The following CAMTA1 variants were observed in gnomAD, a reference collection of about 807,000 sequenced individuals.
CAMTA1 encodes the protein calmodulin binding transcription activator 1.
In CAMTA1, 27 loss-of-function variants were observed where a neutral mutation model predicts 170.9. The observed-to-expected ratio is 0.16, with a 90% CI of 0.12 to 0.22. CAMTA1 has a LOEUF of 0.22. Ranked by LOEUF, CAMTA1 falls within the 10% of genes least tolerant of loss-of-function variation. The pLI is 1.00. For synonymous variants in CAMTA1, 833 were observed against 891.5 expected (o/e 0.93, Z 1.17); for missense variants, 1,619 against 2,217.2 (o/e 0.73, Z 5.42).
chr1:7,622,093 A>G (rs1306546269), intron 6 of CAMTA1, among the ~76,000 whole-genome samples: 3 of 152,194 alleles, frequency 2.0e-5, no homozygotes, highest in African/African-American at 4.8e-5. Flanking sequence ...CCCTGGAGGT[A>G]TGGGGGGAGG....
At position 7,007,227 on chromosome 1, in the gene CAMTA1, C is replaced by T. The variant is rs907581618; in HGVS notation, c.235-84077C>T. The stretch of plus-strand genomic sequence containing the variant: ...AGGATCTCACGTGGGGAGCATCGAC[C>T]AGGAGAGGGGTCCACATTGTCACAG... On this transcript the variant is annotated intron_variant, in intron 3 of 22. Transcript: ENST00000303635. The surrounding 1 kb of genome is among the most constrained non-coding windows in gnomAD (Gnocchi z 4.5). Among the ~76,000 whole-genome samples the T allele has an allele frequency of 2.0e-5, 3 of 152,082 alleles. No individual in the cohort carries two copies. The highest frequency in any genetic ancestry group is 7.2e-5 in the African/African-American group (3 of 41,410).
At chr1:7,720,284 G>T (rs1429988574) in intron 11 of CAMTA1, among the ~76,000 whole-genome samples, 1 of 152,176 alleles carries the variant, frequency 6.6e-6, no homozygotes, top group Non-Finnish European at 1.5e-5. Flanking sequence ...TCCTTTCATT[G>T]AGGGGCGCTG....
intron 5 of CAMTA1, among the ~76,000 whole-genome samples, chr1:7,353,588 C>G (rs545011107): frequency 6.6e-6 from 1 of 152,076 alleles, no homozygotes; most frequent in South Asian, 2.1e-4. Context: ...CCACACCCAG[C>G]TAATTTTGTA....
chr1:7,616,472 C>G (rs889326689), intron 6 of CAMTA1, among the ~76,000 whole-genome samples: 7 of 152,224 alleles, frequency 4.6e-5, no homozygotes, highest in Non-Finnish European at 7.3e-5. Flanking sequence ...GCCTCCGAAC[C>G]GGTCAGCCCA....
At chr1:7,429,216 A>G (rs1331415485) in intron 5 of CAMTA1, among the ~76,000 whole-genome samples, 1 of 152,220 alleles carries the variant, frequency 6.6e-6, no homozygotes, top group East Asian at 1.9e-4. Flanking sequence ...TGGATACACA[A>G]TTGGATACAC....
intron 4 of CAMTA1, among the ~76,000 whole-genome samples, chr1:7,246,175 G>T (rs1665735750): frequency 6.6e-6 from 1 of 152,234 alleles, no homozygotes; most frequent in Non-Finnish European, 1.5e-5. Flanking sequence ...GGGCAACTCT[G>T]GAGTCAGACC....
chr1:7,166,318 A>G (rs2148798064), intron 4 of CAMTA1, among the ~76,000 whole-genome samples: 1 of 152,176 alleles, frequency 6.6e-6, no homozygotes, highest in South Asian at 2.1e-4. Context: ...TGCCTGCCTC[A>G]GCCTCCCAAA....
intron 5 of CAMTA1, among the ~76,000 whole-genome samples, chr1:7,449,575 G>T (rs779163295): frequency 6.6e-6 from 1 of 152,042 alleles, no homozygotes; most frequent in Non-Finnish European, 1.5e-5. Flanking sequence ...TTCAACACCA[G>T]CCTGGCCAAC....
chr1:6,961,551 C>T (rs959386063), intron 3 of CAMTA1, among the ~76,000 whole-genome samples: 11 of 114,018 alleles, frequency 9.6e-5, no homozygotes, highest in African/African-American at 1.4e-4. Context: ...TGGGCTGAGC[C>T]GGGGGCGTGA....
intron 11 of CAMTA1, among the ~76,000 whole-genome samples, chr1:7,703,772 C>G (rs1259104960): frequency 6.6e-6 from 1 of 152,194 alleles, no homozygotes; most frequent in Admixed American, 6.5e-5. Context: ...CTGTGCGAGG[C>G]CGTGGGACTG....
intron 3 of CAMTA1, among the ~76,000 whole-genome samples, chr1:7,034,667 G>T (rs1256028838): frequency 6.6e-6 from 1 of 152,118 alleles, no homozygotes; most frequent in African/African-American, 2.4e-5. Context: ...AAGATTGCTC[G>T]ACTTAGGATG....
chr1:6,948,944 G>A (rs111881760), intron 3 of CAMTA1, among the ~76,000 whole-genome samples: 1 of 152,312 alleles, frequency 6.6e-6, no homozygotes, highest in African/African-American at 2.4e-5. Flanking sequence ...TCCCTGACGT[G>A]TGTCTCCTTG....
Position 6,887,951 on chromosome 1 carries a change from G to A in CAMTA1, c.234+62741G>A. 7.7e-7 allele frequency: 1 copy of A among 1,299,330 alleles called. No individual in the cohort carries two copies. Among genetic ancestry groups the A allele is most frequent in the Non-Finnish European group, 9.9e-7 (1 of 1,014,960 alleles). 80.5% of individuals were successfully genotyped at this position (1,299,330 alleles called of 1,614,324 possible). On this transcript the variant is annotated intron_variant, in intron 3 of 22. Coordinates refer to ENST00000303635, the MANE Select transcript of CAMTA1 (RefSeq NM_015215.4). This position sits in a 1 kb window ranked among gnomAD's most constrained non-coding sequence, Gnocchi z 4.1. ...CAGCCTGACTGAGCTCTGGAGAGCAGGGCTCTGTGCACACGCCTCCTGGTC... is the reference window on the plus strand; with the variant it reads ...CAGCCTGACTGAGCTCTGGAGAGCAAGGCTCTGTGCACACGCCTCCTGGTC...
At chr1:7,282,213 C>T (rs1327851934) in intron 5 of CAMTA1, among the ~76,000 whole-genome samples, 3 of 152,156 alleles carry the variant, frequency 2.0e-5, no homozygotes, top group African/African-American at 4.8e-5. Context: ...TGTCGAAGCA[C>T]GCTTGCCCAG....
intron 1 of CAMTA1, among the ~76,000 whole-genome samples, chr1:6,804,890 G>T (rs1570187040): frequency 6.6e-6 from 1 of 152,064 alleles, no homozygotes; most frequent in Non-Finnish European, 1.5e-5. Context: ...ATCCTCTGTT[G>T]TGTGGATATA....
chr1:7,152,608 G>A (rs1646639847), intron 4 of CAMTA1, among the ~76,000 whole-genome samples: 1 of 152,228 alleles, frequency 6.6e-6, no homozygotes, highest in African/African-American at 2.4e-5. Context: ...AGGCTGTCAA[G>A]TGCCTCCTCA....
At chr1:7,347,295 T>C (rs1235017875) in intron 5 of CAMTA1, among the ~76,000 whole-genome samples, 1 of 152,152 alleles carries the variant, frequency 6.6e-6, no homozygotes, top group Non-Finnish European at 1.5e-5. Flanking sequence ...TCCCTCATTT[T>C]CTCAAAGGAG....
At chr1:7,276,009 G>T (rs1670534199) in intron 5 of CAMTA1, among the ~76,000 whole-genome samples, 2 of 151,628 alleles carry the variant, frequency 1.3e-5, no homozygotes, top group Admixed American at 6.6e-5. Context: ...TTAGCAAATG[G>T]AATGCAGCTA....
In CAMTA1 at chr1:7,736,045, G is replaced by T. The variant is rs1362594893; in HGVS notation, c.3067-299G>T. Among the ~76,000 whole-genome samples, 1 of 152,042 alleles carries T rather than the reference G, an allele frequency of 6.6e-6. No homozygotes were observed. The highest frequency in any genetic ancestry group is 2.4e-5 in the African/African-American group (1 of 41,406). On this transcript the variant is annotated intron_variant, in intron 12 of 22. Transcript: ENST00000303635. This position sits in a 1 kb window ranked among gnomAD's most constrained non-coding sequence, Gnocchi z 4.5. The stretch of plus-strand genomic sequence containing the variant: ...CCGCCTCAGCCTCCCAAAGTGCTGG[G>T]ATTTCAGGCATGAGCCACTGTGCGC...
Sources: gnomAD v4.1 joint callset for allele counts (sites outside exome capture counted in the v4.1 genomes callset) on GRCh38, gnomAD v4.1.1 for gene constraint, Gnocchi (gnomAD v3.1) non-coding constraint, MANE v1.5 for transcripts, NCBI Gene and HGNC (gene_info 2026-07-23, HGNC 2026-07-21) for gene names.